The following VSNL1 variants were observed in gnomAD, a reference collection of about 807,000 sequenced individuals.
VSNL1 encodes visinin-like protein 1.
VSNL1 carries 6 observed loss-of-function variants against 20.4 expected under a neutral mutation model. The observed-to-expected ratio is 0.29, with a 90% confidence interval of 0.16 to 0.58. The LOEUF is 0.58. Among genes scored for constraint, VSNL1 ranks in the 20% least tolerant of loss-of-function variants. The pLI is 0.90. For missense variants in VSNL1, 100 were observed against 234.5 expected (o/e 0.43, Z 3.75); for synonymous variants, 93 against 86.4 (o/e 1.08, Z -0.42).
chr2:17,571,683 A>G (rs1250546319), intron 1 of VSNL1, among the ~76,000 whole-genome samples: 3 of 152,254 alleles, frequency 2.0e-5, no homozygotes, highest in Non-Finnish European at 4.4e-5. Flanking sequence ...TGGAGCTTAC[A>G]TTCTAGTGAA....
chr2:17,556,389 T>C (rs76213938), intron 1 of VSNL1, among the ~76,000 whole-genome samples: 1 of 152,262 alleles, frequency 6.6e-6, no homozygotes, highest in East Asian at 1.9e-4. Context: ...ATCAATTGGA[T>C]CATTAAAAGT....
chr2:17,624,995 C>T (rs1344167389), intron 2 of VSNL1, among the ~76,000 whole-genome samples: 3 of 152,176 alleles, frequency 2.0e-5, no homozygotes, highest in South Asian at 2.1e-4. Flanking sequence ...ATAATTCCCA[C>T]GTGTTTTGGG....
At position 17,654,861 on chromosome 2, in the gene VSNL1, T is replaced by G. The variant is rs538627311; in HGVS notation, c.379-336T>G. ...CATCCCACGCTCCAGCAGCTAAAGC[T>G]TTTTCATTTGATCAGTATTTATTGA... On this transcript the variant is annotated intron_variant, in intron 3 of 3. Transcript: ENST00000295156. Among the ~76,000 whole-genome samples the G allele has an allele frequency of 3.9e-5, 6 of 152,308 alleles. No homozygotes were observed. In the South Asian group the frequency reaches 1.2e-3, roughly 32 times the overall value.
chr2:17,621,569 C>G (rs1665359988), intron 2 of VSNL1, among the ~76,000 whole-genome samples: 1 of 152,132 alleles, frequency 6.6e-6, no homozygotes, highest in African/African-American at 2.4e-5. Flanking sequence ...AGTTATCTGC[C>G]CGCCTCAGCT....
chr2:17,591,948 T>C (rs1664601028), intron 1 of VSNL1, 122 bp from the exon 2 acceptor site: 1 of 980,470 alleles, frequency 1.0e-6, no homozygotes, highest in South Asian at 1.6e-5. Context: ...TGGGAAGATA[T>C]GCATCAGCCA....
chr2:17,592,347 C>A (rs766925032), intron 2 of VSNL1, 111 bp downstream of exon 2: 3 of 1,200,514 alleles, frequency 2.5e-6, no homozygotes, highest in Non-Finnish European at 3.5e-6. Context: ...TGTTTCAACT[C>A]TGGCTGTTTT....
At chr2:17,576,556 A>G (rs937885313) in intron 1 of VSNL1, among the ~76,000 whole-genome samples, 1 of 152,076 alleles carries the variant, frequency 6.6e-6, no homozygotes. Context: ...TATTTTGTTC[A>G]TATTCTATTG....
intron 1 of VSNL1, among the ~76,000 whole-genome samples, chr2:17,546,926 A>T (rs972271730): frequency 2.0e-5 from 3 of 151,430 alleles, no homozygotes; most frequent in African/African-American, 7.3e-5. Context: ...GAAAAATTTT[A>T]TGAAAAATGA....
intron 2 of VSNL1, among the ~76,000 whole-genome samples, chr2:17,647,884 A>G (rs1666032890): frequency 6.6e-6 from 1 of 152,224 alleles, no homozygotes; most frequent in South Asian, 2.1e-4. Flanking sequence ...ATAAGAACGC[A>G]GTGAATTCTG....
chr2:17,641,198 G>A (rs1665875702), intron 2 of VSNL1, among the ~76,000 whole-genome samples: 1 of 152,196 alleles, frequency 6.6e-6, no homozygotes, highest in Non-Finnish European at 1.5e-5. Flanking sequence ...TTCTGGAGGA[G>A]GTAGGGAGAT....
intron 2 of VSNL1, among the ~76,000 whole-genome samples, chr2:17,647,502 C>A (rs1666024050): frequency 6.6e-6 from 1 of 152,194 alleles, no homozygotes; most frequent in Non-Finnish European, 1.5e-5. Context: ...ATGCATAAGG[C>A]ACAGGAGGAG....
At chr2:17,648,344 C>T (rs186433279) in intron 2 of VSNL1, among the ~76,000 whole-genome samples, 136 of 152,304 alleles carry the variant, frequency 8.9e-4, no homozygotes, top group Non-Finnish European at 1.6e-3. Context: ...AAAGACGGAC[C>T]GAGGGCTCCT....
intron 3 of VSNL1, among the ~76,000 whole-genome samples, chr2:17,652,489 A>C (rs919508152): frequency 4.6e-5 from 7 of 152,212 alleles, no homozygotes; most frequent in African/African-American, 1.7e-4. Flanking sequence ...GTTTCAGAGG[A>C]GTTGGTGGCA....
At chr2:17,540,222 A>T (rs1663246324), upstream of VSNL1, 1 of 152,316 alleles carries the variant, frequency 6.6e-6, no homozygotes, top group South Asian at 2.1e-4. Context: ...CTTCTTTCGG[A>T]GATTTCTGCA....
chr2:17,646,268 TACTC>T (rs1209803772), intron 2 of VSNL1, among the ~76,000 whole-genome samples: 2 of 152,124 alleles, frequency 1.3e-5, no homozygotes, highest in Admixed American at 1.3e-4. Context: ...GTGGCGAAAA[TACTC>T]AGAGCAGAGA....
intron 1 of VSNL1, among the ~76,000 whole-genome samples, chr2:17,577,606 A>G (rs1485929306): frequency 3.3e-5 from 5 of 152,134 alleles, no homozygotes; most frequent in Non-Finnish European, 7.3e-5. Flanking sequence ...TCTCCAGGCT[A>G]AACATTCCCT....
At chr2:17,605,197 G>T (rs879731245) in intron 2 of VSNL1, among the ~76,000 whole-genome samples, 4 of 152,238 alleles carry the variant, frequency 2.6e-5, no homozygotes, top group Non-Finnish European at 4.4e-5. Flanking sequence ...TGGGGATAGA[G>T]TATGGGGTTG....
chr2:17,604,088 G>A (rs1267495915), intron 2 of VSNL1, among the ~76,000 whole-genome samples: 1 of 152,212 alleles, frequency 6.6e-6, no homozygotes, highest in Non-Finnish European at 1.5e-5. Flanking sequence ...CTAAGTGTGG[G>A]TGTAGGTGAG....
At position 17,634,662 on chromosome 2, in the gene VSNL1, G is replaced by A. The variant is rs140513127; in HGVS notation, c.163-14748G>A. 2.1e-3 allele frequency among the ~76,000 whole-genome samples: 325 copies of A among 152,318 alleles called. 1 individual carries two copies. Among genetic ancestry groups the A allele is most frequent in the Non-Finnish European group, 3.2e-3 (217 of 68,034 alleles). On this transcript the variant is annotated intron_variant, in intron 2 of 3. Coordinates refer to ENST00000295156, the MANE Select transcript of VSNL1 (RefSeq NM_003385.5). This position sits in a 1 kb window ranked among gnomAD's most constrained non-coding sequence, Gnocchi z 4.3. Reference sequence around the variant, plus strand: ...AAAGTAAGAATGAGCCTCTCAGGTCGTAGTAGGGTGAGGAGGAAAACAGGT... The same window carrying A: ...AAAGTAAGAATGAGCCTCTCAGGTCATAGTAGGGTGAGGAGGAAAACAGGT...
Sources: allele counts gnomAD v4.1 joint callset (sites outside exome capture counted in the v4.1 genomes callset), GRCh38; gene constraint gnomAD v4.1.1; non-coding constraint Gnocchi (gnomAD v3.1); transcripts MANE v1.5; gene names NCBI Gene and HGNC (gene_info 2026-07-23, HGNC 2026-07-21).